CEP126: variants seen among roughly 807,000 people sequenced by gnomAD.
CEP126 encodes the protein centrosomal protein of 126 kDa.
Under a neutral mutation model 107.8 loss-of-function variants are expected in CEP126, and 74 were observed. That is an observed-to-expected ratio of 0.69 (90% confidence interval 0.57 to 0.83). CEP126 has a LOEUF of 0.83. Ranked by LOEUF, CEP126 falls within the 40% of genes least tolerant of loss-of-function variation. CEP126 has a pLI of 0.00. For synonymous variants in CEP126, 449 were observed against 446.0 expected (o/e 1.01, Z -0.08); for missense variants, 1,237 against 1,281.9 (o/e 0.96, Z 0.53).
At position 101,998,536 on chromosome 11, in the gene CEP126, G is replaced by A. The variant is rs929233710; in HGVS notation, c.*893G>A. On this transcript the variant is annotated 3_prime_UTR_variant, in exon 11 of 11. Coordinates refer to ENST00000263468, the MANE Select transcript of CEP126 (RefSeq NM_020802.4). ...TTCAACCTGGGAGGTTGAGGCTGCAGTGAGCTGTGTTTCGCCACTGCACAC... is the reference window on the plus strand; with the variant it reads ...TTCAACCTGGGAGGTTGAGGCTGCAATGAGCTGTGTTTCGCCACTGCACAC... 34 of 123,562 alleles carry A rather than the reference G, an allele frequency of 2.8e-4. No homozygotes were observed. The highest frequency in any genetic ancestry group is 1.0e-3 in the African/African-American group (33 of 31,536). The allele number at this position is 123,562 out of a possible 1,614,324, so 7.7% of individuals were successfully genotyped here.
intron 10 of CEP126, among the ~76,000 whole-genome samples, chr11:101,994,882 T>G (rs1472472667): frequency 6.6e-6 from 1 of 151,904 alleles, no homozygotes; most frequent in African/African-American, 2.4e-5. Flanking sequence ...GTTTTTTTTT[T>G]TTTTAATTAT....
chr11:101,967,015 C>CTCTT (rs768157408), intron 6 of CEP126, among the ~76,000 whole-genome samples: 16 of 146,380 alleles, frequency 1.1e-4, no homozygotes, highest in African/African-American at 3.5e-4. Flanking sequence ...AATTCATCAT[C>CTCTT]TCTTTCTTTC....
intron 4 of CEP126, among the ~76,000 whole-genome samples, chr11:101,954,004 T>C (rs981917334): frequency 1.4e-5 from 2 of 147,498 alleles, no homozygotes; most frequent in Non-Finnish European, 3.0e-5. Context: ...TTTATGTTAA[T>C]TGAATTATTT....
chr11:101,945,590 C>T (rs908931079), intron 3 of CEP126, among the ~76,000 whole-genome samples: 4 of 152,104 alleles, frequency 2.6e-5, no homozygotes, highest in Non-Finnish European at 5.9e-5. Context: ...ATTTTTCTCC[C>T]ATATAATACG....
chr11:101,937,726 A>C (rs1443534922), intron 2 of CEP126, among the ~76,000 whole-genome samples: 2 of 152,158 alleles, frequency 1.3e-5, no homozygotes, highest in African/African-American at 2.4e-5. Context: ...AACGTTTGAC[A>C]AAAAAATTAT....
At chr11:101,956,164 G>A (rs1334238648) in intron 4 of CEP126, 1 of 456,524 alleles carries the variant, frequency 2.2e-6, no homozygotes. Flanking sequence ...CACAGCACAA[G>A]TTATTTTACA....
Position 101,922,637 on chromosome 11 carries a change from T to G in CEP126, c.129-4T>G. ...CATTGTTCTTAACTTAATGCTATCA[T>G]TAGAGATATGAAAATCCATCTGGAG... On this transcript the variant is annotated splice_polypyrimidine_tract_variant and splice_region_variant and intron_variant, in intron 1 of 10. Transcript: ENST00000263468. 1 of 1,600,110 alleles carries G rather than the reference T, an allele frequency of 6.2e-7. No individual in the cohort carries two copies. Among genetic ancestry groups the G allele is most frequent in the Non-Finnish European group, 8.6e-7 (1 of 1,167,958 alleles).
chr11:101,988,864 T>G (rs1941343447), intron 9 of CEP126, among the ~76,000 whole-genome samples: 1 of 152,102 alleles, frequency 6.6e-6, no homozygotes, highest in South Asian at 2.1e-4. Context: ...GATTTTTATA[T>G]GCACTTGAGA....
chr11:101,917,883 T>C (rs1565347027), intron 1 of CEP126, among the ~76,000 whole-genome samples: 1 of 152,130 alleles, frequency 6.6e-6, no homozygotes, highest in Non-Finnish European at 1.5e-5. Context: ...CAAAGAAAAA[T>C]CACAAAACAA....
intron 1 of CEP126, among the ~76,000 whole-genome samples, chr11:101,917,319 T>C (rs984394462): frequency 6.6e-6 from 1 of 151,928 alleles, no homozygotes; most frequent in Non-Finnish European, 1.5e-5. Context: ...GTGCTCAAAT[T>C]TACATGACTA....
chr11:101,951,348 C>CA (rs1363533847), intron 4 of CEP126, among the ~76,000 whole-genome samples: 2 of 151,688 alleles, frequency 1.3e-5, no homozygotes, highest in Admixed American at 6.6e-5. Context: ...TACACACACA[C>CA]AAAAAATGTA....
At chr11:101,984,486 G>A (rs1259936129) in intron 8 of CEP126, among the ~76,000 whole-genome samples, 1 of 152,188 alleles carries the variant, frequency 6.6e-6, no homozygotes, top group Non-Finnish European at 1.5e-5. Flanking sequence ...TAAGACTCCA[G>A]GTGTTTTCAT....
chr11:101,921,787 T>C (rs113056290), intron 1 of CEP126, among the ~76,000 whole-genome samples: 3 of 132,504 alleles, frequency 2.3e-5, no homozygotes, highest in African/African-American at 8.4e-5. Context: ...CTTTTTTTTT[T>C]TTTTTTTTTT....
chr11:101,957,874 C>T (rs560912146), intron 4 of CEP126, among the ~76,000 whole-genome samples: 42 of 152,242 alleles, frequency 2.8e-4, no homozygotes, highest in Admixed American at 4.6e-4. Context: ...ATTACTTCTA[C>T]CCTTATCCCA....
chr11:101,950,396 G>A (rs1279502476), intron 4 of CEP126, among the ~76,000 whole-genome samples: 4 of 152,152 alleles, frequency 2.6e-5, no homozygotes, highest in South Asian at 2.1e-4. Flanking sequence ...CAACAGAATC[G>A]CAGTCTAGAA....
chr11:101,926,262 A>G (rs1179674208), intron 2 of CEP126, among the ~76,000 whole-genome samples: 1 of 152,204 alleles, frequency 6.6e-6, no homozygotes. Flanking sequence ...AGTCTCTCGT[A>G]TTAGTTAACC....
At position 101,915,174 on chromosome 11, in the gene CEP126, C is replaced by T. The variant is rs1376000327; in HGVS notation, c.-111C>T. On this transcript the variant is annotated 5_prime_UTR_variant, in exon 1 of 11. Transcript: ENST00000263468. ...GGCCAACCCTTCCGCGCCCGTGACG[C>T]GGGGCCTGAGAGACGGAGTGTAGGG... 2.0e-6 allele frequency: 3 copies of T among 1,495,782 alleles called. No individual in the cohort carries two copies. Among genetic ancestry groups the T allele is most frequent in the Non-Finnish European group, 2.7e-6 (3 of 1,106,076 alleles). 92.7% of individuals were successfully genotyped at this position (1,495,782 alleles called of 1,614,324 possible). A position where few individuals can be genotyped will look rare whatever the true frequency, so the allele number is the denominator to read the frequency against.
chr11:101,975,290 A>G (rs1478838791), intron 6 of CEP126, among the ~76,000 whole-genome samples: 1 of 152,244 alleles, frequency 6.6e-6, no homozygotes, highest in Non-Finnish European at 1.5e-5. Flanking sequence ...GTCTAATTTT[A>G]GAATTAGAAT....
At chr11:101,956,656 T>C (rs948408930) in intron 4 of CEP126, 7 of 456,250 alleles carry the variant, frequency 1.5e-5, no homozygotes, top group African/African-American at 1.4e-4. Flanking sequence ...CTCCTTCATC[T>C]ATCCCTCTTT....
Sources: allele counts gnomAD v4.1 joint callset (sites outside exome capture counted in the v4.1 genomes callset), GRCh38; gene constraint gnomAD v4.1.1; transcripts MANE v1.5; gene names NCBI Gene and HGNC (gene_info 2026-07-23, HGNC 2026-07-21).